HAUS1: variants seen among roughly 807,000 people sequenced by gnomAD.
The protein encoded by HAUS1 is HAUS augmin-like complex subunit 1.
In HAUS1, 25 loss-of-function variants were observed where a neutral mutation model predicts 38.6. The ratio of observed to expected loss-of-function variants is 0.65; its 90% confidence interval spans 0.47 to 0.91. The LOEUF is 0.91. Among genes scored for constraint, HAUS1 ranks in the 40% least tolerant of loss-of-function variants. HAUS1 has a pLI of 0.00. For missense variants in HAUS1, 325 were observed against 328.4 expected, an observed-to-expected ratio of 0.99 and a Z score of 0.08; for synonymous variants, 109 against 112.9, an observed-to-expected ratio of 0.97 and a Z score of 0.22.
chr18:46,105,081 C>G, intron 1 of HAUS1, 113 bp from the exon 2 acceptor site: 1 of 691,064 alleles, frequency 1.4e-6, no homozygotes, highest in Non-Finnish European at 2.3e-6. Flanking sequence ...AGTAGGACTC[C>G]AAAATAGTCA....
intron 2 of HAUS1, among the ~76,000 whole-genome samples, chr18:46,110,152 C>CTT (rs869105132): frequency 6.2e-4 from 72 of 115,328 alleles, no homozygotes; most frequent in African/African-American, 8.7e-4. Flanking sequence ...TTATTTTGTC[C>CTT]TTTTTTTTTT....
At chr18:46,114,900 A>G (rs1362391960) in intron 2 of HAUS1, among the ~76,000 whole-genome samples, 2 of 152,156 alleles carry the variant, frequency 1.3e-5, no homozygotes, top group Non-Finnish European at 2.9e-5. Flanking sequence ...GTGTACCCTT[A>G]GGACCATTTT....
At chr18:46,118,145 G>C in intron 2 of HAUS1, 36 bp from the exon 3 acceptor site, 2 of 1,604,934 alleles carry the variant, frequency 1.2e-6, no homozygotes, top group Non-Finnish European at 1.7e-6. Flanking sequence ...TTTTAAAAAA[G>C]CAAACAGTCA....
At chr18:46,114,532 G>A (rs1043933604) in intron 2 of HAUS1, among the ~76,000 whole-genome samples, 1 of 152,132 alleles carries the variant, frequency 6.6e-6, no homozygotes, top group African/African-American at 2.4e-5. Flanking sequence ...CCGGAGCAAG[G>A]GCCATTGGGA....
At chr18:46,110,887 CTTT>C (rs57307297) in intron 2 of HAUS1, among the ~76,000 whole-genome samples, 17 of 96,052 alleles carry the variant, frequency 1.8e-4, no homozygotes, top group East Asian at 5.8e-4. Context: ...TCAAGATTTT[CTTT>C]TTTTTTTTTT....
intron 3 of HAUS1, 108 bp from the exon 4 acceptor site, chr18:46,119,818 G>T: frequency 1.0e-6 from 1 of 959,608 alleles, no homozygotes; most frequent in South Asian, 2.1e-5. Flanking sequence ...GGTATGAACA[G>T]CATGGTTATA....
chr18:46,113,357 G>A (rs1327959493), intron 2 of HAUS1, among the ~76,000 whole-genome samples: 4 of 151,948 alleles, frequency 2.6e-5, no homozygotes, highest in African/African-American at 4.8e-5. Flanking sequence ...GATTACAGGC[G>A]TGAGCCACCA....
intron 2 of HAUS1, among the ~76,000 whole-genome samples, chr18:46,113,563 T>G (rs1015760299): frequency 6.6e-6 from 1 of 152,168 alleles, no homozygotes; most frequent in Non-Finnish European, 1.5e-5. Context: ...TCTTACCTCA[T>G]GTTCCTTCTT....
intron 2 of HAUS1, among the ~76,000 whole-genome samples, chr18:46,111,417 C>T (rs1911631462): frequency 6.6e-6 from 1 of 152,082 alleles, no homozygotes; most frequent in Admixed American, 6.6e-5. Flanking sequence ...CTCTGCCTCC[C>T]CAGCTCAAGC....
At position 46,128,311 on chromosome 18, in the gene HAUS1, A is replaced by G. The variant is rs1912165014; in HGVS notation, c.*186A>G. ...TTTTGTGCCCAAATACATAGTTTTC[A>G]TATTAAAAAGCCTTTTCTCTTACTT... On this transcript the variant is annotated 3_prime_UTR_variant, in exon 9 of 9. Coordinates refer to ENST00000282058, the MANE Select transcript of HAUS1 (RefSeq NM_138443.4). The G allele has an allele frequency of 1.1e-5, 5 of 454,178 alleles. No individual in the cohort carries two copies. The East Asian group carries it at 1.4e-4, about 13-fold the overall frequency. The allele number at this position is 454,178 out of a possible 1,614,324, so 28.1% of individuals were successfully genotyped here.
chr18:46,106,459 A>C (rs1446297524), intron 2 of HAUS1, among the ~76,000 whole-genome samples: 2 of 150,340 alleles, frequency 1.3e-5, no homozygotes, highest in Non-Finnish European at 1.5e-5. Flanking sequence ...ACAGAGCAAG[A>C]CTCCGTCTCA....
chr18:46,109,065 C>T (rs559979413), intron 2 of HAUS1, among the ~76,000 whole-genome samples: 7 of 134,452 alleles, frequency 5.2e-5, no homozygotes, highest in East Asian at 2.3e-4. Flanking sequence ...AGCAAGACTC[C>T]GTCTCAAAAA....
chr18:46,117,069 C>G (rs1188818218), intron 2 of HAUS1, among the ~76,000 whole-genome samples: 1 of 152,092 alleles, frequency 6.6e-6, no homozygotes, highest in African/African-American at 2.4e-5. Flanking sequence ...AAAATTGGAG[C>G]CTTCATCACT....
chr18:46,105,381 C>T lies in HAUS1; in HGVS notation c.205+13C>T, dbSNP rs1911435298. ...TACGAGTCAGAAGGTGAGATTAAGT[C>T]CAGAGTTTTGAACGAGAATAAATAG... On this transcript the variant is annotated intron_variant, in intron 2 of 8. Coordinates refer to ENST00000282058, the MANE Select transcript of HAUS1 (RefSeq NM_138443.4). 2 of 1,602,512 alleles carry T rather than the reference C, an allele frequency of 1.2e-6. No homozygotes were observed. Among genetic ancestry groups the T allele is most frequent in the South Asian group, 2.2e-5 (2 of 89,710 alleles).
intron 3 of HAUS1, among the ~76,000 whole-genome samples, chr18:46,119,344 A>G (rs1278232527): frequency 6.6e-6 from 1 of 152,200 alleles, no homozygotes; most frequent in African/African-American, 2.4e-5. Context: ...TTCAGCAGAT[A>G]ACAAATACCA....
chr18:46,120,059 G>GAGTA lies in HAUS1; in HGVS notation c.476+5_476+8dup. 6.3e-7 allele frequency: 1 copy of GAGTA among 1,588,068 alleles called. No individual in the cohort carries two copies. Among genetic ancestry groups the GAGTA allele is most frequent in the Middle Eastern group, 1.7e-4 (1 of 5,960 alleles). ...TTTAGTATTAGAAAAATGTCTACAAGAGTAAGTAATTGAGTTCAGAGTGGT... is the reference window on the plus strand; with the variant it reads ...TTTAGTATTAGAAAAATGTCTACAAGAGTAAGTAAGTAATTGAGTTCAGAGTGGT... On this transcript the variant is annotated stop_gained and frameshift_variant and splice_region_variant, in exon 4 of 9. Coordinates refer to ENST00000282058, the MANE Select transcript of HAUS1 (RefSeq NM_138443.4). LOFTEE classifies it high-confidence loss of function.
intron 7 of HAUS1, 47 bp downstream of exon 7, chr18:46,124,940 C>T (rs1912058984): frequency 9.6e-7 from 1 of 1,042,604 alleles, no homozygotes; most frequent in Non-Finnish European, 1.5e-6. Context: ...TCCAACCTTC[C>T]CTGAGGGTAC....
At chr18:46,108,372 A>C (rs1911531330) in intron 2 of HAUS1, among the ~76,000 whole-genome samples, 1 of 151,190 alleles carries the variant, frequency 6.6e-6, no homozygotes, top group African/African-American at 2.4e-5. Context: ...CTGGCCTTAA[A>C]CTTCTGACCC....
intron 2 of HAUS1, among the ~76,000 whole-genome samples, chr18:46,117,946 A>G (rs1911838650): frequency 6.6e-6 from 1 of 152,120 alleles, no homozygotes; most frequent in Non-Finnish European, 1.5e-5. Context: ...ACTCCATTTC[A>G]AAAAGAAAAA....
Sources: gnomAD v4.1 joint callset for allele counts (sites outside exome capture counted in the v4.1 genomes callset) on GRCh38, gnomAD v4.1.1 for gene constraint, MANE v1.5 for transcripts, NCBI Gene and HGNC (gene_info 2026-07-23, HGNC 2026-07-21) for gene names.